The following MOV10L1 variants were observed in gnomAD, a reference collection of about 807,000 sequenced individuals.
MOV10L1 encodes the protein Mov10 like RNA helicase 1.
A neutral mutation model predicts 143.8 loss-of-function variants in MOV10L1; 110 were observed. The ratio of observed to expected loss-of-function variants is 0.76; its 90% CI spans 0.66 to 0.90. The LOEUF is 0.90. Ranked by LOEUF, MOV10L1 falls within the 40% of genes least tolerant of loss-of-function variation. The pLI, the probability that MOV10L1 is intolerant of heterozygous loss-of-function variation, is 0.00. For missense variants in MOV10L1, 1,406 were observed against 1,526.8 expected (o/e 0.92, Z 1.32); for synonymous variants, 593 against 581.1 (o/e 1.02, Z -0.29).
chr22:50,141,143 C>T (rs531529520), intron 15 of MOV10L1, among the ~76,000 whole-genome samples: 13 of 152,074 alleles, frequency 8.5e-5, no homozygotes, highest in South Asian at 8.3e-4. Flanking sequence ...CTCCACCTCC[C>T]GGGTTCAAGC....
chr22:50,092,166 A>G lies in MOV10L1; in HGVS notation c.263A>G (p.Asn88Ser), dbSNP rs768391519. Reference sequence around the variant, plus strand: ...GTTGTGGAAGAAAATAAAGTGTCCAATGGACTGAAAGCAATCAGGGTAAGG... The same window carrying G: ...GTTGTGGAAGAAAATAAAGTGTCCAGTGGACTGAAAGCAATCAGGGTAAGG... ...IAVVEENKVS[N>S]GLKAIRVEAV... The change falls in exon 2 of 27, where the codon AAT becomes AGT. Residue 88 changes from asparagine to serine, a missense_variant. By Grantham distance (46) the Asn-to-Ser change is conservative (BLOSUM62 1). Coordinates refer to ENST00000262794, the MANE Select transcript of MOV10L1 (RefSeq NM_018995.3). The G allele has an allele frequency of 2.8e-5, 45 of 1,613,928 alleles. No individual in the cohort carries two copies. Among genetic ancestry groups the G allele is most frequent in the Non-Finnish European group, 3.3e-5 (39 of 1,179,970 alleles).
intron 3 of MOV10L1, among the ~76,000 whole-genome samples, chr22:50,099,971 GT>G (rs1238412295): frequency 6.7e-6 from 1 of 149,070 alleles, no homozygotes; most frequent in African/African-American, 2.4e-5. Flanking sequence ...CCAGGTCACT[GT>G]TTTGTTTTTT....
chr22:50,139,526 A>G (rs1236240029), intron 15 of MOV10L1, among the ~76,000 whole-genome samples: 1 of 152,060 alleles, frequency 6.6e-6, no homozygotes, highest in Non-Finnish European at 1.5e-5. Context: ...AGCCTGGGCA[A>G]CATAGAAAAA....
At chr22:50,134,384 A>G (rs1056429034) in intron 14 of MOV10L1, 146 bp from the exon 15 acceptor site, 2 of 646,728 alleles carry the variant, frequency 3.1e-6, no homozygotes, top group Admixed American at 5.9e-5. Context: ...TAATAATGCT[A>G]TAATTTAGAA....
rs201490769 is a variant in MOV10L1, at chr22:50,148,956, G to A, written c.2628-659G>A. Among the ~76,000 whole-genome samples, 3 of 152,212 alleles carry A rather than the reference G, an allele frequency of 2.0e-5. No individual in the cohort carries two copies. The East Asian group carries it at 5.8e-4, about 29-fold the overall frequency. ...TGGCATTACAGGCGTGAGCCACTGC[G>A]CCCGACCAACCCCATTTTCTTAATG... On this transcript the variant is annotated intron_variant, in intron 19 of 26. Coordinates refer to ENST00000262794, the MANE Select transcript of MOV10L1 (RefSeq NM_018995.3).
At chr22:50,156,059 C>A (rs2063418825) in intron 22 of MOV10L1, among the ~76,000 whole-genome samples, 1 of 151,860 alleles carries the variant, frequency 6.6e-6, no homozygotes, top group South Asian at 2.1e-4. Flanking sequence ...CTCATTCATT[C>A]ATTCATTCAT....
chr22:50,141,854 A>T (rs1454198046), intron 15 of MOV10L1, among the ~76,000 whole-genome samples: 1 of 152,174 alleles, frequency 6.6e-6, no homozygotes, highest in African/African-American at 2.4e-5. Context: ...ATTTTAGTTT[A>T]TTTCTAAAAG....
intron 12 of MOV10L1, among the ~76,000 whole-genome samples, chr22:50,128,089 T>C (rs1431409101): frequency 6.6e-6 from 1 of 152,186 alleles, no homozygotes. Flanking sequence ...TTATCGAGGC[T>C]TCCTTACAGT....
chr22:50,121,675 A>C (rs778790396), intron 10 of MOV10L1, among the ~76,000 whole-genome samples: 1 of 152,208 alleles, frequency 6.6e-6, no homozygotes, highest in Non-Finnish European at 1.5e-5. Flanking sequence ...TGAATGGTTC[A>C]TCGAGGTGGC....
chr22:50,115,055 G>C, intron 7 of MOV10L1, 59 bp from the exon 8 acceptor site: 2 of 1,506,596 alleles, frequency 1.3e-6, no homozygotes, highest in Non-Finnish European at 9.0e-7. Context: ...AAGCATGCCA[G>C]CACTGTTAGA....
rs2063512162 is a variant in MOV10L1 at position 50,159,874 on chromosome 22, C to T, written c.3324+89C>T. ...GGCTTCAGATCTAAAGGGGCAGAGG[C>T]TGATTCCCAGCCCAGAGAAGCAGCT... On this transcript the variant is annotated intron_variant, in intron 24 of 26. Coordinates refer to ENST00000262794, the MANE Select transcript of MOV10L1 (RefSeq NM_018995.3). The surrounding 1 kb of genome is among the most constrained non-coding windows in gnomAD (Gnocchi z 4.1). The T allele has an allele frequency of 3.6e-6, 3 of 824,818 alleles. No individual in the cohort carries two copies. The highest frequency in any genetic ancestry group is 6.0e-6 in the Non-Finnish European group (3 of 503,318). 51.1% of individuals were successfully genotyped at this position (824,818 alleles called of 1,614,324 possible).
chr22:50,123,781 G>T (rs939579336), intron 10 of MOV10L1, among the ~76,000 whole-genome samples: 1 of 152,188 alleles, frequency 6.6e-6, no homozygotes, highest in Non-Finnish European at 1.5e-5. Flanking sequence ...GAGCCATCAG[G>T]TCCTGGGGTT....
intron 13 of MOV10L1, among the ~76,000 whole-genome samples, chr22:50,130,565 A>G (rs1392406316): frequency 6.9e-6 from 1 of 144,492 alleles, no homozygotes; most frequent in Non-Finnish European, 1.5e-5. Flanking sequence ...AAAGAGATAC[A>G]GGAGGACCAG....
intron 3 of MOV10L1, among the ~76,000 whole-genome samples, chr22:50,104,737 C>G (rs1377344514): frequency 6.6e-6 from 1 of 152,146 alleles, no homozygotes; most frequent in East Asian, 1.9e-4. Flanking sequence ...ACTTTAATAT[C>G]TTAGCATCTA....
At position 50,159,426 on chromosome 22, in the gene MOV10L1, CCT is replaced by C. The variant is rs1041654171; in HGVS notation, c.3217-245_3217-244del. On this transcript the variant is annotated intron_variant, in intron 23 of 26. Coordinates refer to ENST00000262794, the MANE Select transcript of MOV10L1 (RefSeq NM_018995.3). This position sits in a 1 kb window ranked among gnomAD's most constrained non-coding sequence, Gnocchi z 4.1. Reference sequence around the variant, plus strand: ...ACCAGCCTGGCCAATATGGTGAAACCCTCTCTCTACTAAAAAATACAAAAAAT... The same window carrying C: ...ACCAGCCTGGCCAATATGGTGAAACCCTCTCTACTAAAAAATACAAAAAAT... Among the ~76,000 whole-genome samples the C allele has an allele frequency of 6.6e-6, 1 of 151,728 alleles. No individual in the cohort carries two copies. The highest frequency in any genetic ancestry group is 2.4e-5 in the African/African-American group (1 of 41,302).
chr22:50,149,052 A>G (rs905417330), intron 19 of MOV10L1, among the ~76,000 whole-genome samples: 2 of 152,174 alleles, frequency 1.3e-5, no homozygotes, highest in African/African-American at 4.8e-5. Flanking sequence ...TGCCCAGCTG[A>G]GAGTGGCTCA....
At chr22:50,101,137 T>C (rs1428808032) in intron 3 of MOV10L1, among the ~76,000 whole-genome samples, 3 of 151,580 alleles carry the variant, frequency 2.0e-5, no homozygotes, top group African/African-American at 7.3e-5. Flanking sequence ...AGCTGGGGGG[T>C]GGGAGGTCTG....
Position 50,161,012 on chromosome 22 carries a change from T to C in MOV10L1, c.3511T>C (p.Tyr1171His). The C allele has an allele frequency of 6.2e-7, 1 of 1,614,172 alleles. No individual in the cohort carries two copies. The highest frequency in any genetic ancestry group is 1.6e-4 in the Middle Eastern group (1 of 6,062). Residue 1171 changes from tyrosine (Y) to histidine (H), a missense_variant, in exon 26 of 27, where the codon TAC (tyrosine) becomes CAC (histidine). This residue lies in a region of MOV10L1 where 1,233 missense variants were observed against 1,351.4 expected (regional missense o/e 0.91). Transcript: ENST00000262794. ...LLEYSITNGV[Y>H]MGCDLPPALQ... Reference sequence around the variant, plus strand: ...GGAATACAGTATTACAAACGGTGTTTACATGGGATGCGATTTACCTCCTGC... The same window carrying C: ...GGAATACAGTATTACAAACGGTGTTCACATGGGATGCGATTTACCTCCTGC...
intron 2 of MOV10L1, among the ~76,000 whole-genome samples, chr22:50,098,771 G>A (rs183791127): frequency 1.6e-4 from 24 of 152,254 alleles, no homozygotes; most frequent in East Asian, 1.4e-3. Context: ...GAAAGCTTTC[G>A]GCCTTTCACC....
Sources: gnomAD v4.1 joint callset for allele counts (sites outside exome capture counted in the v4.1 genomes callset) on GRCh38, gnomAD v4.1.1 for gene constraint, gnomAD v4.1.1 regional missense constraint, Gnocchi (gnomAD v3.1) non-coding constraint, MANE v1.5 for transcripts, NCBI Gene and HGNC (gene_info 2026-07-23, HGNC 2026-07-21) for gene names.